Variants in MCM9 observed in about 807,000 individuals in gnomAD.
MCM9 encodes DNA helicase MCM9.
MCM9 carries 55 observed loss-of-function variants against 72.8 expected under a neutral mutation model. The observed-to-expected ratio is 0.76, with a 90% CI of 0.61 to 0.95. MCM9 has a LOEUF of 0.95. Ranked by LOEUF, MCM9 falls within the 40% of genes least tolerant of loss-of-function variation. The probability of loss-of-function intolerance (pLI) is 0.00; values close to 1 mark genes in which losing one functional copy is unlikely to be tolerated. For missense variants in MCM9, 1,279 were observed against 1,377.0 expected, an observed-to-expected ratio of 0.93 and a Z score of 1.13; for synonymous variants, 480 against 503.4, an observed-to-expected ratio of 0.95 and a Z score of 0.62.
At position 118,815,270 on chromosome 6, in the gene MCM9, G is replaced by A. The variant is rs1224802721; in HGVS notation, c.2986C>T (p.Gln996Ter). The part of the protein sequence containing the change: ...PQGETKEVSQ[Q>*]PPEKHGPREK... ...CTTGGTCCGTGTTTCTCTGGTGGCT[G>A]CTGCGACACCTCCTTTGTCTCACCC... The change falls in exon 14 of 14, where the codon CAG becomes TAG. Residue 996 changes from glutamine to a stop codon, truncating the protein, a stop_gained. Coordinates refer to ENST00000619706, the MANE Select transcript of MCM9 (RefSeq NM_017696.3). LOFTEE classifies it low-confidence loss of function (END_TRUNC). The A allele has an allele frequency of 6.4e-7, 1 of 1,550,640 alleles. No individual in the cohort carries two copies. The highest frequency in any genetic ancestry group is 1.2e-5 in the South Asian group (1 of 84,052).
intron 9 of MCM9, among the ~76,000 whole-genome samples, chr6:118,841,991 C>A (rs961800721): frequency 2.0e-5 from 3 of 152,144 alleles, no homozygotes; most frequent in African/African-American, 7.2e-5. Flanking sequence ...CATGCCACCA[C>A]GCCCAGGTAC....
rs566264337 is a variant in MCM9, at chr6:118,924,905, A to T, written c.305-778T>A. Reference sequence around the variant, plus strand: ...TAAAAAATTAAAAAATCAGCTGGGCATGGTGGTGCATGCCTATAGCCCCAG... The same window carrying T: ...TAAAAAATTAAAAAATCAGCTGGGCTTGGTGGTGCATGCCTATAGCCCCAG... On this transcript the variant is annotated intron_variant, in intron 3 of 13. Transcript: ENST00000619706. Among the ~76,000 whole-genome samples, 10 of 152,168 alleles carry T rather than the reference A, an allele frequency of 6.6e-5. No individual in the cohort carries two copies. The East Asian group carries it at 1.9e-3, about 30-fold the overall frequency.
At chr6:118,862,329 C>A (rs1776957779) in intron 8 of MCM9, among the ~76,000 whole-genome samples, 1 of 152,212 alleles carries the variant, frequency 6.6e-6, no homozygotes, top group Non-Finnish European at 1.5e-5. Context: ...GAGCGTACAG[C>A]CCTGGCCACA....
chr6:118,839,119 T>C (rs747515155), intron 9 of MCM9, among the ~76,000 whole-genome samples: 10 of 151,986 alleles, frequency 6.6e-5, no homozygotes, highest in Non-Finnish European at 1.2e-4. Flanking sequence ...ACTTTGTTCG[T>C]TCCTTTTCAT....
At chr6:118,907,007 A>T (rs1780227783) in intron 8 of MCM9, among the ~76,000 whole-genome samples, 1 of 152,198 alleles carries the variant, frequency 6.6e-6, no homozygotes, top group Non-Finnish European at 1.5e-5. Context: ...AATAAGTTGT[A>T]TTTGACAATT....
chr6:118,826,217 G>A lies in MCM9; in HGVS notation c.1891C>T (p.Gln631Ter), dbSNP rs1583343773. The change falls in exon 13 of 14, where the codon CAG (glutamine) becomes TAG (stop). Residue 631 changes from glutamine to a stop codon, truncating the protein, a stop_gained. Transcript: ENST00000619706. LOFTEE classifies it high-confidence loss of function. The part of the protein sequence containing the change: ...PENPGEQYQR[Q>*]CELILEKLEL... ...AGCTTTTCCAGAATAAGTTCACACT[G>A]TCTCTGGTACTGCTCTCCAGGGTTT... 1 of 1,550,438 alleles carries A rather than the reference G, an allele frequency of 6.4e-7. No individual in the cohort carries two copies. Among genetic ancestry groups the A allele is most frequent in the Non-Finnish European group, 8.7e-7 (1 of 1,146,916 alleles).
At chr6:118,848,394 T>C (rs1362329736) in intron 9 of MCM9, among the ~76,000 whole-genome samples, 1 of 151,852 alleles carries the variant, frequency 6.6e-6, no homozygotes. Flanking sequence ...ATAGGGGTTG[T>C]CAAACTACAG....
chr6:118,839,521 T>C (rs1455026651), intron 9 of MCM9, among the ~76,000 whole-genome samples: 1 of 152,188 alleles, frequency 6.6e-6, no homozygotes, highest in African/African-American at 2.4e-5. Flanking sequence ...TTTTGGAATG[T>C]TCAGCCTTTT....
At chr6:118,879,480 A>T (rs141346449) in intron 8 of MCM9, among the ~76,000 whole-genome samples, 1 of 151,546 alleles carries the variant, frequency 6.6e-6, no homozygotes, top group Admixed American at 6.6e-5. Context: ...CTGTTAGACA[A>T]CTTCTAGAGG....
At chr6:118,874,078 A>T (rs898792631) in intron 8 of MCM9, among the ~76,000 whole-genome samples, 1 of 152,094 alleles carries the variant, frequency 6.6e-6, no homozygotes, top group Non-Finnish European at 1.5e-5. Flanking sequence ...AACATGGTGA[A>T]ACCCCATCTC....
chr6:118,817,200 C>T (rs941485367), intron 13 of MCM9, among the ~76,000 whole-genome samples: 1 of 151,934 alleles, frequency 6.6e-6, no homozygotes, highest in African/African-American at 2.4e-5. Context: ...ATACATGTGC[C>T]ATGGTGGTTT....
At chr6:118,827,688 G>A (rs559164731) in intron 11 of MCM9, among the ~76,000 whole-genome samples, 1 of 151,934 alleles carries the variant, frequency 6.6e-6, no homozygotes, top group Admixed American at 6.6e-5. Context: ...TTAAGTTCTA[G>A]GAGGTCCCGA....
At chr6:118,910,762 T>C in intron 8 of MCM9, 2 of 985,454 alleles carry the variant, frequency 2.0e-6, no homozygotes, top group East Asian at 2.3e-4. Context: ...TTCTTGTCAA[T>C]GGTTAATATA....
At position 118,910,093 on chromosome 6, in the gene MCM9, G is replaced by C. The variant is rs558508427; in HGVS notation, c.1150+1557C>G. 6.1e-5 allele frequency among the ~76,000 whole-genome samples: 9 copies of C among 148,242 alleles called. No homozygotes were observed. In the South Asian group the frequency reaches 1.9e-3, roughly 32 times the overall value. ...GATTGCATCACTGCACTCCAGCCTG[G>C]GCGACAGCACTAGACTCTATCTCAA... is the stretch of plus-strand genomic sequence containing the variant. On this transcript the variant is annotated intron_variant, in intron 8 of 13. Transcript: ENST00000619706.
At chr6:118,907,787 CTAT>C (rs1371212643) in intron 8 of MCM9, 3 of 543,908 alleles carry the variant, frequency 5.5e-6, no homozygotes, top group African/African-American at 3.8e-5. Flanking sequence ...ATAAATACAA[CTAT>C]TTTTAAGTAA....
At chr6:118,866,055 C>T (rs1345062308) in intron 8 of MCM9, among the ~76,000 whole-genome samples, 2 of 152,226 alleles carry the variant, frequency 1.3e-5, no homozygotes, top group Admixed American at 1.3e-4. Flanking sequence ...CCAATCTTTC[C>T]AGCTACATCT....
intron 9 of MCM9, among the ~76,000 whole-genome samples, chr6:118,832,024 C>A (rs567450736): frequency 6.6e-6 from 1 of 152,154 alleles, no homozygotes; most frequent in Admixed American, 6.5e-5. Context: ...TCCAGACTGC[C>A]GATTCTGCCT....
intron 8 of MCM9, chr6:118,894,022 C>T (rs1779160287): frequency 2.0e-6 from 2 of 989,242 alleles, no homozygotes; most frequent in Non-Finnish European, 2.4e-6. Context: ...CCTTATTCCA[C>T]TCACTTTGTT....
chr6:118,892,853 G>A (rs1779039169), intron 8 of MCM9, among the ~76,000 whole-genome samples: 1 of 152,190 alleles, frequency 6.6e-6, no homozygotes. Flanking sequence ...GACATTAGCT[G>A]TCTCACATTA....
Sources: gnomAD v4.1 joint callset for allele counts (sites outside exome capture counted in the v4.1 genomes callset) on GRCh38, gnomAD v4.1.1 for gene constraint, MANE v1.5 for transcripts, NCBI Gene and HGNC (gene_info 2026-07-23, HGNC 2026-07-21) for gene names.